The following EIF4E1B variants were observed in gnomAD, a reference collection of about 807,000 sequenced individuals.
The protein encoded by EIF4E1B is eukaryotic translation initiation factor 4E type 1B.
EIF4E1B carries 22 observed loss-of-function variants against 31.3 expected under a neutral mutation model. The ratio of observed to expected loss-of-function variants is 0.70; its 90% CI spans 0.50 to 1.00. The LOEUF (loss-of-function observed/expected upper bound fraction) is 1.00. Among genes scored for constraint, EIF4E1B ranks in the 50% least tolerant of loss-of-function variants. The probability of loss-of-function intolerance (pLI) is 0.00; values close to 1 mark genes in which losing one functional copy is unlikely to be tolerated. For synonymous variants in EIF4E1B, 126 were observed against 120.2 expected (o/e 1.05, Z -0.31); for missense variants, 290 against 311.6 (o/e 0.93, Z 0.52).
At chr5:176,636,252 C>T (rs552895305) in intron 1 of EIF4E1B, among the ~76,000 whole-genome samples, 396 of 152,356 alleles carry the variant, frequency 2.6e-3, no homozygotes, top group African/African-American at 9.2e-3. Flanking sequence ...CCCCTACCAC[C>T]CTTTAGAGCA....
At position 176,632,457 on chromosome 5, in the gene EIF4E1B, T is replaced by C. The variant is rs368924685; in HGVS notation, c.-202+1393T>C. On this transcript the variant is annotated intron_variant, in intron 1 of 8. Coordinates refer to ENST00000318682, the MANE Select transcript of EIF4E1B (RefSeq NM_001099408.2). ...TTTTAGTAGAGACAGGTTTTCACCA[T>C]GTTGGCCAGGCTGGTCTCGAACTCC... 4.0e-3 allele frequency among the ~76,000 whole-genome samples: 612 copies of C among 152,330 alleles called. 7 individuals are homozygous for C. Among genetic ancestry groups the C allele is most frequent in the African/African-American group, 0.014 (579 of 41,576 alleles).
intron 1 of EIF4E1B, among the ~76,000 whole-genome samples, chr5:176,635,358 G>A (rs1268395414): frequency 3.3e-5 from 5 of 152,242 alleles, no homozygotes; most frequent in Middle Eastern, 3.4e-3. Context: ...AGCAGTGAGC[G>A]CAAAGAGGGA....
intron 1 of EIF4E1B, among the ~76,000 whole-genome samples, chr5:176,633,201 GT>G (rs534154859): frequency 1.5e-3 from 226 of 150,236 alleles, no homozygotes; most frequent in African/African-American, 5.4e-3. Context: ...TATTTGAGCT[GT>G]CCAGTGTTTT....
At position 176,645,261 on chromosome 5, in the gene EIF4E1B, G is replaced by A. The variant is rs1561911532; in HGVS notation, c.474+18G>A. On this transcript the variant is annotated intron_variant, in intron 7 of 8. Transcript: ENST00000318682. The surrounding 1 kb of genome is among the most constrained non-coding windows in gnomAD (Gnocchi z 5.4). ...TGGAGACGGTGAGTTGGAGGAGGAG[G>A]GTCCTCAGGGGAAGAGACGGGCTGT... 6.2e-7 allele frequency: 1 copy of A among 1,604,184 alleles called. No individual in the cohort carries two copies. Among genetic ancestry groups the A allele is most frequent in the Non-Finnish European group, 8.5e-7 (1 of 1,174,822 alleles).
intron 1 of EIF4E1B, among the ~76,000 whole-genome samples, chr5:176,639,580 T>C (rs1760543605): frequency 2.0e-5 from 3 of 152,112 alleles, no homozygotes; most frequent in African/African-American, 7.2e-5. Context: ...GCTAAGACCA[T>C]GCCCGGTACT....
At chr5:176,644,660 A>G in intron 6 of EIF4E1B, 1 of 548,442 alleles carries the variant, frequency 1.8e-6, no homozygotes. Flanking sequence ...GGGAAGAGGG[A>G]GAGGGAGAGA....
In EIF4E1B at chr5:176,645,996, C is replaced by T. The variant is rs751379082; in HGVS notation, c.*16C>T. ...TGTGGTGTGAGGGGGGCCTTGGCAC[C>T]CCTCCTATGTAATGGGACAGCCGCC... On this transcript the variant is annotated 3_prime_UTR_variant, in exon 9 of 9. Coordinates refer to ENST00000318682, the MANE Select transcript of EIF4E1B (RefSeq NM_001099408.2). The surrounding 1 kb of genome is among the most constrained non-coding windows in gnomAD (Gnocchi z 5.4). 2 of 1,579,054 alleles carry T rather than the reference C, an allele frequency of 1.3e-6. No homozygotes were observed. Among genetic ancestry groups the T allele is most frequent in the South Asian group, 2.3e-5 (2 of 86,870 alleles).
At position 176,645,396 on chromosome 5, in the gene EIF4E1B, A is replaced by G. The variant is rs766132677; in HGVS notation, c.494A>G (p.Glu165Gly). The change falls in exon 8 of 9, where the codon GAG becomes GGG. Residue 165 changes from glutamate to glycine, a missense_variant. By Grantham distance (98) the Glu-to-Gly change is moderately conservative. Coordinates refer to ENST00000318682, the MANE Select transcript of EIF4E1B (RefSeq NM_001099408.2). This position sits in a 1 kb window ranked among gnomAD's most constrained non-coding sequence, Gnocchi z 5.4. ...WLETLLCLIG[E>G]SFEEHSREVC... ...GTCCAGCTGCTGTGTCTGATCGGGG[A>G]GAGCTTTGAGGAACACAGCAGAGAG... 6.5e-7 allele frequency: 1 copy of G among 1,528,724 alleles called. No individual in the cohort carries two copies. The highest frequency in any genetic ancestry group is 1.3e-5 in the South Asian group (1 of 77,674). 94.7% of individuals were successfully genotyped at this position (1,528,724 alleles called of 1,614,324 possible).
rs1272479938 is a variant in EIF4E1B, at chr5:176,638,987, G to T, written c.-201-3056G>T. ...GTTTGTTTGTTTTATTTTTAGTAGAGACACGGTTTTACCATGTTGGCCAGG... is the reference window on the plus strand; with the variant it reads ...GTTTGTTTGTTTTATTTTTAGTAGATACACGGTTTTACCATGTTGGCCAGG... On this transcript the variant is annotated intron_variant, in intron 1 of 8. Transcript: ENST00000318682. The surrounding 1 kb of genome is among the most constrained non-coding windows in gnomAD (Gnocchi z 4.3). Among the ~76,000 whole-genome samples, 1 of 152,120 alleles carries T rather than the reference G, an allele frequency of 6.6e-6. No homozygotes were observed. Among genetic ancestry groups the T allele is most frequent in the Non-Finnish European group, 1.5e-5 (1 of 68,042 alleles).
At chr5:176,644,337 A>G in intron 5 of EIF4E1B, 39 bp from the exon 6 acceptor site, 1 of 1,560,156 alleles carries the variant, frequency 6.4e-7, no homozygotes, top group Non-Finnish European at 8.7e-7. Flanking sequence ...GGCCCTAAAA[A>G]GCCTTGACTT....
chr5:176,646,234 G>A lies in EIF4E1B; in HGVS notation c.*254G>A, dbSNP rs1760707472. 4.6e-6 allele frequency: 2 copies of A among 437,792 alleles called. No homozygotes were observed. The highest frequency in any genetic ancestry group is 6.9e-5 in the Admixed American group (2 of 28,880). The allele number at this position is 437,792 out of a possible 1,614,324, so 27.1% of individuals were successfully genotyped here. On this transcript the variant is annotated 3_prime_UTR_variant, in exon 9 of 9. Coordinates refer to ENST00000318682, the MANE Select transcript of EIF4E1B (RefSeq NM_001099408.2). The stretch of plus-strand genomic sequence containing the variant: ...CAGGGTGGAAAAAACTCCTGAGGGT[G>A]GGGTGAGTCATGGCGGGGAAGGAGG...
intron 4 of EIF4E1B, 140 bp from the exon 5 acceptor site, chr5:176,643,499 C>T (rs1760634520): frequency 1.1e-6 from 1 of 897,722 alleles, no homozygotes; most frequent in South Asian, 1.6e-5. Flanking sequence ...ATTTCATTCA[C>T]CTGAGAGGGG....
chr5:176,635,049 G>T (rs1214381427), intron 1 of EIF4E1B, among the ~76,000 whole-genome samples: 1 of 152,094 alleles, frequency 6.6e-6, no homozygotes, highest in Non-Finnish European at 1.5e-5. Flanking sequence ...TAGCATAGAG[G>T]TGGTGGCTGG....
chr5:176,645,909 A>G lies in EIF4E1B; in HGVS notation c.658A>G (p.Ile220Val). Residue 220 changes from isoleucine to valine, a missense_variant, in exon 9 of 9, where the codon ATT becomes GTT. Transcript: ENST00000318682. The surrounding 1 kb of genome is among the most constrained non-coding windows in gnomAD (Gnocchi z 5.4). ...ERLGLSPKTI[I>V]GYQAHADTAT... Reference sequence around the variant, plus strand: ...CCTGGGCCTCTCCCCAAAGACCATCATTGGGTACCAGGCCCATGCAGACAC... The same window carrying G: ...CCTGGGCCTCTCCCCAAAGACCATCGTTGGGTACCAGGCCCATGCAGACAC... 1 of 1,609,292 alleles carries G rather than the reference A, an allele frequency of 6.2e-7. No individual in the cohort carries two copies. Among genetic ancestry groups the G allele is most frequent in the Admixed American group, 1.7e-5 (1 of 59,432 alleles).
At position 176,645,010 on chromosome 5, in the gene EIF4E1B, G is replaced by A; in HGVS notation, c.361-120G>A. ...AACCTGCTTGCACTGAGGGAAGGGA[G>A]GATAAGAGAATCTGGCCTACTTAGG... is the stretch of plus-strand genomic sequence containing the variant. On this transcript the variant is annotated intron_variant, in intron 6 of 8. Coordinates refer to ENST00000318682, the MANE Select transcript of EIF4E1B (RefSeq NM_001099408.2). This position sits in a 1 kb window ranked among gnomAD's most constrained non-coding sequence, Gnocchi z 5.4. 2.4e-6 allele frequency: 2 copies of A among 844,962 alleles called. No individual in the cohort carries two copies. Among genetic ancestry groups the A allele is most frequent in the African/African-American group, 1.7e-5 (1 of 58,902 alleles). 52.3% of individuals were successfully genotyped at this position (844,962 alleles called of 1,614,324 possible).
intron 3 of EIF4E1B, 51 bp downstream of exon 3, chr5:176,642,853 C>CCA: frequency 8.5e-7 from 1 of 1,182,568 alleles, no homozygotes; most frequent in South Asian, 1.9e-5. Context: ...CCGCCCTCTC[C>CCA]CCCCCCCCCC....
In EIF4E1B at chr5:176,643,674, G is replaced by T; in HGVS notation, c.236G>T (p.Arg79Leu). The T allele has an allele frequency of 1.2e-6, 2 of 1,612,428 alleles. No individual in the cohort carries two copies. The highest frequency in any genetic ancestry group is 1.7e-6 in the Non-Finnish European group (2 of 1,179,220). ...ALWFFKNDRSRAWQDNLHLVT... is the reference protein window; with the variant it reads ...ALWFFKNDRSLAWQDNLHLVT... ...TGGTTCTTCAAGAATGACCGCAGCC[G>T]GGCCTGGCAGGACAACCTGCACCTG... Residue 79 changes from arginine to leucine, a missense_variant, in exon 5 of 9, where the codon CGG becomes CTG. Physicochemically the swap from Arg to Leu is moderately radical, Grantham distance 102. Transcript: ENST00000318682.
chr5:176,632,672 T>C (rs1029035937), intron 1 of EIF4E1B, among the ~76,000 whole-genome samples: 2 of 152,218 alleles, frequency 1.3e-5, no homozygotes, highest in African/African-American at 4.8e-5. Context: ...CTGGTGCTGT[T>C]TGATTATTTT....
chr5:176,641,147 TAC>T (rs919315207), intron 1 of EIF4E1B, among the ~76,000 whole-genome samples: 75 of 152,032 alleles, frequency 4.9e-4, no homozygotes, highest in Admixed American at 1.8e-3. Context: ...GGCAAAACCC[TAC>T]CTCTACAAAA....
Sources: allele counts gnomAD v4.1 joint callset (sites outside exome capture counted in the v4.1 genomes callset), GRCh38; gene constraint gnomAD v4.1.1; non-coding constraint Gnocchi (gnomAD v3.1); transcripts MANE v1.5; gene names NCBI Gene and HGNC (gene_info 2026-07-23, HGNC 2026-07-21).